COL6A6: variants seen among roughly 807,000 people sequenced by gnomAD.
COL6A6 encodes the protein collagen alpha-6(VI) chain.
In COL6A6, 183 loss-of-function variants were observed where a neutral mutation model predicts 208.6. The observed-to-expected ratio is 0.88, with a 90% CI of 0.78 to 0.99. COL6A6 has a LOEUF of 0.99. Among genes scored for constraint, COL6A6 ranks in the 50% least tolerant of loss-of-function variants. The pLI is 0.00. For synonymous variants in COL6A6, 973 were observed against 1,011.8 expected (o/e 0.96, Z 0.73); for missense variants, 2,816 against 2,815.2 (o/e 1.00, Z -0.01).
chr3:130,584,926 C>T (rs2063503598), intron 10 of COL6A6, among the ~76,000 whole-genome samples: 2 of 151,580 alleles, frequency 1.3e-5, no homozygotes, highest in South Asian at 4.2e-4. Context: ...TTTCTTTCTT[C>T]CACTGCAGCT....
At chr3:130,606,735 T>C (rs1271158055) in intron 20 of COL6A6, among the ~76,000 whole-genome samples, 196 bp from the exon 21 acceptor site, 2 of 152,344 alleles carry the variant, frequency 1.3e-5, no homozygotes, top group African/African-American at 4.8e-5. Flanking sequence ...AGGAGACAAA[T>C]ATTCAATTGC....
At chr3:130,620,722 T>C (rs1273068763) in intron 23 of COL6A6, among the ~76,000 whole-genome samples, 1 of 152,244 alleles carries the variant, frequency 6.6e-6, no homozygotes, top group Non-Finnish European at 1.5e-5. Context: ...TATTGCTTTT[T>C]AAATTTTTTA....
chr3:130,551,808 T>A (rs991827664), intron 1 of COL6A6, among the ~76,000 whole-genome samples: 21 of 152,286 alleles, frequency 1.4e-4, no homozygotes, highest in African/African-American at 7.2e-5. Flanking sequence ...GCTATAAACC[T>A]CCCTCTTAAC....
chr3:130,603,752 T>C (rs1369286929), intron 20 of COL6A6, among the ~76,000 whole-genome samples: 1 of 152,212 alleles, frequency 6.6e-6, no homozygotes. Flanking sequence ...TGTTCATCAT[T>C]GTAAATGCTT....
chr3:130,571,442 T>C (rs2063165558), intron 7 of COL6A6, 49 bp downstream of exon 7: 2 of 1,386,096 alleles, frequency 1.4e-6, no homozygotes, highest in African/African-American at 1.4e-5. Flanking sequence ...GAGGGACAAA[T>C]GAGAGAGAAA....
At chr3:130,641,843 T>G in intron 29 of COL6A6, 129 bp downstream of exon 29, 1 of 512,612 alleles carries the variant, frequency 2.0e-6, no homozygotes, top group Non-Finnish European at 3.6e-6. Flanking sequence ...TTTTCCCACC[T>G]TTATGGGGGA....
intron 32 of COL6A6, among the ~76,000 whole-genome samples, chr3:130,648,748 C>G (rs967310612): frequency 1.3e-5 from 2 of 152,068 alleles, no homozygotes; most frequent in Admixed American, 1.3e-4. Flanking sequence ...TACTTTTGAT[C>G]GAGTCTCTGC....
At chr3:130,672,506 G>A (rs988159096) in intron 36 of COL6A6, among the ~76,000 whole-genome samples, 8 of 151,382 alleles carry the variant, frequency 5.3e-5, no homozygotes, top group African/African-American at 1.5e-4. Flanking sequence ...GGGTTCAAGC[G>A]ATTCTCCTGC....
chr3:130,645,086 G>A, intron 32 of COL6A6, 84 bp downstream of exon 32: 1 of 1,322,992 alleles, frequency 7.6e-7, no homozygotes, highest in South Asian at 1.2e-5. Context: ...CAATGTATTG[G>A]CTTCCAAATG....
At chr3:130,610,312 A>G (rs1448640853) in intron 22 of COL6A6, among the ~76,000 whole-genome samples, 3 of 152,198 alleles carry the variant, frequency 2.0e-5, no homozygotes, top group Non-Finnish European at 4.4e-5. Context: ...TTCTGGTTTC[A>G]GATGTATATT....
At chr3:130,615,358 T>G (rs538581225) in intron 23 of COL6A6, among the ~76,000 whole-genome samples, 1 of 152,208 alleles carries the variant, frequency 6.6e-6, no homozygotes, top group African/African-American at 2.4e-5. Context: ...TATTTCTGAT[T>G]GTGTGGTCAA....
chr3:130,518,662 A>G (rs1203004810), intron 1 of COL6A6, among the ~76,000 whole-genome samples: 1 of 152,144 alleles, frequency 6.6e-6, no homozygotes, highest in African/African-American at 2.4e-5. Flanking sequence ...ATGAGCCACC[A>G]TGCCCGGCTA....
chr3:130,625,985 T>C (rs921100510), intron 24 of COL6A6, among the ~76,000 whole-genome samples: 1 of 152,216 alleles, frequency 6.6e-6, no homozygotes, highest in Non-Finnish European at 1.5e-5. Flanking sequence ...TAAACCTGTG[T>C]TGATTTCCCA....
chr3:130,620,778 T>A (rs904018770), intron 23 of COL6A6, among the ~76,000 whole-genome samples: 1 of 152,204 alleles, frequency 6.6e-6, no homozygotes, highest in African/African-American at 2.4e-5. Context: ...CTGAACGAAA[T>A]AAATTTGCAA....
chr3:130,611,560 A>G (rs79546891), intron 23 of COL6A6, among the ~76,000 whole-genome samples: 3,444 of 152,312 alleles, frequency 0.023, 149 homozygotes, highest in African/African-American at 0.079. Flanking sequence ...GGCACATAGT[A>G]GAGCTCAACA....
intron 1 of COL6A6, among the ~76,000 whole-genome samples, chr3:130,519,793 G>A (rs940431461): frequency 6.6e-6 from 1 of 152,172 alleles, no homozygotes; most frequent in African/African-American, 2.4e-5. Flanking sequence ...GATGGCGATG[G>A]TGGTGGTAAA....
intron 25 of COL6A6, among the ~76,000 whole-genome samples, 163 bp downstream of exon 25, chr3:130,626,710 C>T (rs1367207548): frequency 6.6e-6 from 1 of 152,128 alleles, no homozygotes; most frequent in East Asian, 1.9e-4. Flanking sequence ...GTTCCTTGGC[C>T]AGCTTTCCCA....
intron 7 of COL6A6, among the ~76,000 whole-genome samples, chr3:130,571,726 G>A (rs1471673447): frequency 6.6e-6 from 1 of 151,898 alleles, no homozygotes; most frequent in Non-Finnish European, 1.5e-5. Flanking sequence ...CCAGGCTGGA[G>A]TGCAGTAGCA....
At chr3:130,541,925 G>C (rs557493682) in intron 1 of COL6A6, among the ~76,000 whole-genome samples, 1 of 152,278 alleles carries the variant, frequency 6.6e-6, no homozygotes, top group African/African-American at 2.4e-5. Flanking sequence ...CATTTCATCT[G>C]AGTTATCAAA....
Sources: gnomAD v4.1 joint callset for allele counts (sites outside exome capture counted in the v4.1 genomes callset) on GRCh38, gnomAD v4.1.1 for gene constraint, MANE v1.5 for transcripts, NCBI Gene and HGNC (gene_info 2026-07-23, HGNC 2026-07-21) for gene names.